The following SPX variants were observed in gnomAD, a reference collection of about 807,000 sequenced individuals.
SPX encodes spexin.
SPX carries 22 observed loss-of-function variants against 19.2 expected under a neutral mutation model. That is an observed-to-expected ratio of 1.15 (90% confidence interval 0.82 to 1.64). The LOEUF is 1.64. SPX is among the 40% of genes most tolerant of loss of function. The pLI, the probability that SPX is intolerant of heterozygous loss-of-function variation, is 0.00. For synonymous variants in SPX, 50 were observed against 53.3 expected (o/e 0.94, Z 0.27); for missense variants, 143 against 137.7 (o/e 1.04, Z -0.19).
intron 3 of SPX, 77 bp downstream of exon 3, chr12:21,527,269 T>G: frequency 1.4e-6 from 2 of 1,400,508 alleles, no homozygotes; most frequent in African/African-American, 1.4e-5. Flanking sequence ...TGGAGAGTTA[T>G]GGAGAGAGAA....
At chr12:21,526,811 T>C (rs1943818530) in intron 1 of SPX, 75 bp from the exon 2 acceptor site, 2 of 1,374,458 alleles carry the variant, frequency 1.5e-6, no homozygotes, top group African/African-American at 2.9e-5. Flanking sequence ...TTTATAATTG[T>C]CCAGGCGTCA....
In SPX at chr12:21,526,455, T is replaced by C; in HGVS notation, c.-18T>C. 6.3e-7 allele frequency: 1 copy of C among 1,588,834 alleles called. No individual in the cohort carries two copies. On this transcript the variant is annotated 5_prime_UTR_variant, in exon 1 of 6. Transcript: ENST00000256969. Reference sequence around the variant, plus strand: ...GATAAAGTTATAGTTATTTCAGGGTTCTGAAAAGACGCAGAACATGAAGGT... The same window carrying C: ...GATAAAGTTATAGTTATTTCAGGGTCCTGAAAAGACGCAGAACATGAAGGT...
At chr12:21,527,648 T>G (rs892520769) in intron 3 of SPX, 79 bp from the exon 4 acceptor site, 1 of 1,406,404 alleles carries the variant, frequency 7.1e-7, no homozygotes. Flanking sequence ...GGGACTGCGC[T>G]GTGCCGGGAG....
Position 21,526,913 on chromosome 12 carries a change from T to G in SPX, c.34T>G (p.Leu12Val), listed in dbSNP as rs937825334. ...ACTCAGAAGTCTGGCAGCAACAACC[T>G]TGGCTCTTTTCCTGGTGTTTGTTTT... Reference protein sequence around the residue: ...KGLRSLAATTLALFLVFVFLG... With the variant: ...KGLRSLAATTVALFLVFVFLG... Residue 12 changes from leucine to valine, a missense_variant, in exon 2 of 6, where the codon TTG becomes GTG. By Grantham distance (32) the Leu-to-Val change is conservative. Coordinates refer to ENST00000256969, the MANE Select transcript of SPX (RefSeq NM_030572.4). 1.9e-6 allele frequency: 3 copies of G among 1,614,250 alleles called. No homozygotes were observed. The highest frequency in any genetic ancestry group is 2.5e-6 in the Non-Finnish European group (3 of 1,180,038).
In SPX at chr12:21,526,416, G is replaced by C. The variant is rs202042495; in HGVS notation, c.-57G>C. On this transcript the variant is annotated 5_prime_UTR_variant, in exon 1 of 6. Transcript: ENST00000256969. The stretch of plus-strand genomic sequence containing the variant: ...TAAAAGCTCCAATTTCAGAGCAAGA[G>C]TCGAAAACTCACAGATAAAGTTATA... 1.9e-4 allele frequency: 289 copies of C among 1,543,224 alleles called. 1 individual carries two copies. Among genetic ancestry groups the C allele is most frequent in the South Asian group, 1.3e-3 (103 of 78,520 alleles).
chr12:21,530,188 A>T lies in SPX; in HGVS notation c.293-949A>T, dbSNP rs78229652. Among the ~76,000 whole-genome samples, 1,370 of 152,316 alleles carry T rather than the reference A, an allele frequency of 9.0e-3. 17 individuals carry two copies. Among genetic ancestry groups the T allele is most frequent in the African/African-American group, 0.031 (1,300 of 41,572 alleles). On this transcript the variant is annotated intron_variant, in intron 5 of 5. Coordinates refer to ENST00000256969, the MANE Select transcript of SPX (RefSeq NM_030572.4). ...TGATAGAAAAGTTTTTGATTCCCATATGATAAATTAATCACTAGTCTTCTT... is the reference window on the plus strand; with the variant it reads ...TGATAGAAAAGTTTTTGATTCCCATTTGATAAATTAATCACTAGTCTTCTT...
chr12:21,530,905 T>C (rs1237200084), intron 5 of SPX, among the ~76,000 whole-genome samples: 1 of 152,196 alleles, frequency 6.6e-6, no homozygotes, highest in African/African-American at 2.4e-5. Context: ...TCAGTCATTA[T>C]AGAGGTTCAG....
At chr12:21,527,946 C>T in intron 4 of SPX, 157 bp downstream of exon 4, 1 of 753,164 alleles carries the variant, frequency 1.3e-6, no homozygotes, top group Non-Finnish European at 2.0e-6. Context: ...GAGGGCAGCC[C>T]GGGTTGGCAG....
chr12:21,531,371 T>G lies in SPX; in HGVS notation c.*176T>G. On this transcript the variant is annotated 3_prime_UTR_variant, in exon 6 of 6. Coordinates refer to ENST00000256969, the MANE Select transcript of SPX (RefSeq NM_030572.4). ...GCTTAGCTGAGAACATCATCTTCTT[T>G]CATTGCTTCAGGTCCTGTTTAGATG... The G allele has an allele frequency of 4.0e-6, 2 of 496,508 alleles. No individual in the cohort carries two copies. Among genetic ancestry groups the G allele is most frequent in the Non-Finnish European group, 7.0e-6 (2 of 286,160 alleles). 30.8% of individuals were successfully genotyped at this position (496,508 alleles called of 1,614,324 possible).
At chr12:21,526,767 G>A in intron 1 of SPX, 119 bp from the exon 2 acceptor site, 1 of 1,012,300 alleles carries the variant, frequency 9.9e-7, no homozygotes. Context: ...AGAAAACTGA[G>A]TATTAAAACA....
rs1278715752 is a variant in SPX, at chr12:21,526,477, AGGTAAGTAAAG to A, written c.6+1_6+11del. ...GGTTCTGAAAAGACGCAGAACATGAAGGTAAGTAAAGGCTTTATTAACTTGAGACTTCTTAG... is the reference window on the plus strand; with the variant it reads ...GGTTCTGAAAAGACGCAGAACATGAAGCTTTATTAACTTGAGACTTCTTAG... On this transcript the variant is annotated splice_donor_variant and splice_donor_5th_base_variant and coding_sequence_variant and intron_variant, in exon 1 of 6. Coordinates refer to ENST00000256969, the MANE Select transcript of SPX (RefSeq NM_030572.4). LOFTEE classifies it high-confidence loss of function. 12 of 1,594,108 alleles carry A rather than the reference AGGTAAGTAAAG, an allele frequency of 7.5e-6. 1 individual carries two copies. The East Asian group carries it at 2.7e-4, about 36-fold the overall frequency.
chr12:21,531,041 C>T, intron 5 of SPX, 96 bp from the exon 6 acceptor site: 1 of 782,702 alleles, frequency 1.3e-6, no homozygotes, highest in Middle Eastern at 3.7e-4. Flanking sequence ...GCTTAGAAGG[C>T]TAAATGTTTA....
rs1943863601 is a variant in SPX, at chr12:21,531,356, G to A, written c.*161G>A. ...AAATATATATAGGATGCTTAGCTGA[G>A]AACATCATCTTCTTTCATTGCTTCA... On this transcript the variant is annotated 3_prime_UTR_variant, in exon 6 of 6. Transcript: ENST00000256969. 5.8e-6 allele frequency: 3 copies of A among 514,442 alleles called. No individual in the cohort carries two copies. Among genetic ancestry groups the A allele is most frequent in the Non-Finnish European group, 6.6e-6 (2 of 301,022 alleles). 31.9% of individuals were successfully genotyped at this position (514,442 alleles called of 1,614,324 possible). A position where few individuals can be genotyped will look rare whatever the true frequency, so the allele number is the denominator to read the frequency against.
At chr12:21,527,245 C>T in intron 3 of SPX, 53 bp downstream of exon 3, 1 of 1,503,030 alleles carries the variant, frequency 6.7e-7, no homozygotes, top group Admixed American at 1.7e-5. Context: ...CCCTAGGAGT[C>T]AGGAACAGAT....
intron 5 of SPX, among the ~76,000 whole-genome samples, chr12:21,530,748 C>A (rs1486993799): frequency 6.6e-6 from 1 of 152,080 alleles, no homozygotes; most frequent in Non-Finnish European, 1.5e-5. Flanking sequence ...CTTTCCCGAG[C>A]AAGATCCATT....
chr12:21,527,217 C>T (rs1228805244), intron 3 of SPX, 25 bp downstream of exon 3: 1 of 1,603,508 alleles, frequency 6.2e-7, no homozygotes, highest in African/African-American at 1.3e-5. Context: ...TTTCGCTCTT[C>T]CTACAATAAT....
chr12:21,529,762 C>A (rs1484999989), intron 5 of SPX, among the ~76,000 whole-genome samples: 2 of 152,204 alleles, frequency 1.3e-5, no homozygotes, highest in Admixed American at 6.5e-5. Flanking sequence ...GGAGAGCTGG[C>A]ATGACTCTCA....
chr12:21,526,505 ACTT>A lies in SPX; in HGVS notation c.6+31_6+33del, dbSNP rs574591832. ...TAAGTAAAGGCTTTATTAACTTGAG[ACTT>A]CTTAGCTATTTTTTAAAACGTTTTA... On this transcript the variant is annotated intron_variant, in intron 1 of 5. Transcript: ENST00000256969. The A allele has an allele frequency of 2.8e-4, 444 of 1,584,062 alleles. 1 individual carries two copies. The highest frequency in any genetic ancestry group is 1.3e-3 in the Admixed American group (75 of 59,442).
In SPX at chr12:21,532,276, T is replaced by C. The variant is rs954224054; in HGVS notation, c.*1081T>C. 1.3e-5 allele frequency: 2 copies of C among 152,228 alleles called. No individual in the cohort carries two copies. The highest frequency in any genetic ancestry group is 4.8e-5 in the African/African-American group (2 of 41,452). 9.4% of individuals were successfully genotyped at this position (152,228 alleles called of 1,614,324 possible). A position where few individuals can be genotyped will look rare whatever the true frequency, so the allele number is the denominator to read the frequency against. ...TCAGAGTTGTTATTGACAAATGTCA[T>C]AAGTGGAAAGTATTAATTCTTATTG... On this transcript the variant is annotated 3_prime_UTR_variant, in exon 6 of 6. Transcript: ENST00000256969.
Sources: gnomAD v4.1 joint callset for allele counts (sites outside exome capture counted in the v4.1 genomes callset) on GRCh38, gnomAD v4.1.1 for gene constraint, MANE v1.5 for transcripts, NCBI Gene and HGNC (gene_info 2026-07-23, HGNC 2026-07-21) for gene names.